Variants in SIAE observed in about 807,000 individuals in gnomAD.
The protein encoded by SIAE is sialic acid acetylesterase.
Under a neutral mutation model 52.6 loss-of-function variants are expected in SIAE, and 39 were observed. The observed-to-expected ratio is 0.74, with a 90% CI of 0.57 to 0.97. SIAE has a LOEUF of 0.97. Among genes scored for constraint, SIAE ranks in the 50% least tolerant of loss-of-function variants. The probability of loss-of-function intolerance (pLI) is 0.00; values close to 1 mark genes in which losing one functional copy is unlikely to be tolerated. For synonymous variants in SIAE, 233 were observed against 241.4 expected, an observed-to-expected ratio of 0.97 and a Z score of 0.32; for missense variants, 592 against 662.1, an observed-to-expected ratio of 0.89 and a Z score of 1.16.
chr11:124,649,852 C>G, intron 4 of SIAE, 56 bp from the exon 5 acceptor site: 1 of 1,585,822 alleles, frequency 6.3e-7, no homozygotes, highest in South Asian at 1.1e-5. Flanking sequence ...TGGATACAAA[C>G]TGCAGCTGCT....
In SIAE at chr11:124,635,831, A is replaced by T. The variant is rs190916194; in HGVS notation, c.*1120T>A. 76 of 152,332 alleles carry T rather than the reference A, an allele frequency of 5.0e-4. No individual in the cohort carries two copies. The highest frequency in any genetic ancestry group is 1.7e-3 in the Admixed American group (26 of 15,306). The allele number at this position is 152,332 out of a possible 1,614,324, so 9.4% of individuals were successfully genotyped here. The stretch of plus-strand genomic sequence containing the variant: ...TGCTTTTATTTATTTCCAACTTCTT[A>T]TAGGTAACATAATTTTCAGACAATG... On this transcript the variant is annotated 3_prime_UTR_variant, in exon 10 of 10. Coordinates refer to ENST00000263593, the MANE Select transcript of SIAE (RefSeq NM_170601.5).
intron 9 of SIAE, among the ~76,000 whole-genome samples, chr11:124,637,807 G>C (rs954887725): frequency 1.3e-5 from 2 of 152,202 alleles, no homozygotes; most frequent in African/African-American, 4.8e-5. Flanking sequence ...GGTGGATACC[G>C]TAGTTAGGAC....
intron 4 of SIAE, among the ~76,000 whole-genome samples, chr11:124,652,050 G>T (rs750177153): frequency 4.6e-5 from 7 of 152,194 alleles, no homozygotes; most frequent in Non-Finnish European, 7.4e-5. Context: ...TATTCTGAGA[G>T]TATTTGGCTG....
chr11:124,660,365 G>C (rs961709970), intron 3 of SIAE: 8 of 454,264 alleles, frequency 1.8e-5, no homozygotes, highest in African/African-American at 1.4e-4. Context: ...GAAAGTGCTA[G>C]AGAAAACAAT....
intron 9 of SIAE, among the ~76,000 whole-genome samples, 193 bp downstream of exon 9, chr11:124,638,349 G>A (rs1216101967): frequency 7.9e-5 from 12 of 152,090 alleles, no homozygotes; most frequent in Admixed American, 1.3e-4. Context: ...TCCCTTTCTC[G>A]ATTGTGCTGT....
intron 3 of SIAE, among the ~76,000 whole-genome samples, chr11:124,655,215 C>T (rs1460682281): frequency 3.4e-5 from 5 of 147,770 alleles, no homozygotes; most frequent in South Asian, 4.2e-4. Flanking sequence ...CTTGCTCTCT[C>T]GCCCAGGCTG....
rs781268648 is a variant in SIAE, at chr11:124,638,757, T to TA, written c.1125-21dup. On this transcript the variant is annotated intron_variant, in intron 8 of 9. Transcript: ENST00000263593. ...TGGATGCTACAGGATAAGGAACAAG[T>TA]AGAGAACTTTGGGTTTAAGCTCAAC... The TA allele has an allele frequency of 1.9e-6, 3 of 1,608,514 alleles. No homozygotes were observed. In the African/African-American group the frequency reaches 4.0e-5, roughly 22 times the overall value.
At chr11:124,663,504 G>T (rs997046097) in intron 2 of SIAE, among the ~76,000 whole-genome samples, 1 of 152,204 alleles carries the variant, frequency 6.6e-6, no homozygotes, top group Non-Finnish European at 1.5e-5. Context: ...AACCCGGGAG[G>T]CGGAGCTTGC....
In SIAE at chr11:124,669,350, G is replaced by T. The variant is rs929233924; in HGVS notation, c.229+10C>A. 1.9e-6 allele frequency: 3 copies of T among 1,613,948 alleles called. No individual in the cohort carries two copies. The African/African-American group carries it at 4.0e-5, about 22-fold the overall frequency. The stretch of plus-strand genomic sequence containing the variant: ...AGGGCAATAGCTGAACGGAAGATGG[G>T]CTGCCTTACCTTTCACACTGGTCAC... On this transcript the variant is annotated intron_variant, in intron 2 of 9. Transcript: ENST00000263593.
At chr11:124,643,244 G>A (rs1352385175) in intron 7 of SIAE, among the ~76,000 whole-genome samples, 2 of 152,172 alleles carry the variant, frequency 1.3e-5, no homozygotes, top group Admixed American at 1.3e-4. Context: ...AAGTAAGGCA[G>A]CCAGTGTGGC....
chr11:124,672,857 A>G (rs1426729044), intron 1 of SIAE, among the ~76,000 whole-genome samples: 1 of 152,196 alleles, frequency 6.6e-6, no homozygotes, highest in Non-Finnish European at 1.5e-5. Flanking sequence ...ATTTCTTAAC[A>G]GGGATCTCTG....
chr11:124,641,004 A>G (rs896711463), intron 7 of SIAE, among the ~76,000 whole-genome samples: 1 of 152,168 alleles, frequency 6.6e-6, no homozygotes, highest in Non-Finnish European at 1.5e-5. Context: ...AGCTACCTAT[A>G]TAAGAAAGGC....
chr11:124,649,771 C>T lies in SIAE; in HGVS notation c.570G>A (p.Lys190=), dbSNP rs1223746430. 1.9e-6 allele frequency: 3 copies of T among 1,614,052 alleles called. No homozygotes were observed. Among genetic ancestry groups the T allele is most frequent in the Admixed American group, 1.7e-5 (1 of 60,006 alleles). Residue 190 remains lysine (K), a synonymous_variant, in exon 5 of 10, where the codon AAG becomes AAA. Coordinates refer to ENST00000263593, the MANE Select transcript of SIAE (RefSeq NM_170601.5). The part of the protein sequence containing the change: ...TSENLGHGYF[K]YMSAVCWLFG... ...AGAGCCAGCACACTGCTGACATGTA[C>T]TTGAAATATCCATGGCCTAAGTTTT...
rs183067025 is a variant in SIAE, at chr11:124,658,580, C to T, written c.405+2048G>A. 4.6e-5 allele frequency among the ~76,000 whole-genome samples: 7 copies of T among 152,330 alleles called. No homozygotes were observed. In the East Asian group the frequency reaches 1.2e-3, roughly 25 times the overall value. On this transcript the variant is annotated intron_variant, in intron 3 of 9. Coordinates refer to ENST00000263593, the MANE Select transcript of SIAE (RefSeq NM_170601.5). ...AGACCTACCCTGACTTAGGAGGCGACAGATGAACATTTAGACTCTTCTCCA... is the reference window on the plus strand; with the variant it reads ...AGACCTACCCTGACTTAGGAGGCGATAGATGAACATTTAGACTCTTCTCCA...
chr11:124,645,489 CG>C lies in SIAE; in HGVS notation c.966+1875del, dbSNP rs1412125550. On this transcript the variant is annotated intron_variant, in intron 7 of 9. Transcript: ENST00000263593. The surrounding 1 kb of genome is among the most constrained non-coding windows in gnomAD (Gnocchi z 4.7). ...ACTAATTTTGTATTTTTAGTAGAGA[CG>C]GGGCTTCTCCATGTTGGTCAGGCTG... 6.6e-6 allele frequency among the ~76,000 whole-genome samples: 1 copy of C among 152,050 alleles called. No homozygotes were observed. Among genetic ancestry groups the C allele is most frequent in the African/African-American group, 2.4e-5 (1 of 41,458 alleles).
intron 1 of SIAE, among the ~76,000 whole-genome samples, chr11:124,671,091 TC>T (rs1359792859): frequency 6.6e-6 from 1 of 152,174 alleles, no homozygotes; most frequent in Non-Finnish European, 1.5e-5. Flanking sequence ...GGAAATACCT[TC>T]CCAAGTCTGT....
At position 124,647,367 on chromosome 11, in the gene SIAE, G is replaced by A; in HGVS notation, c.964C>T (p.Gln322Ter). 1.2e-6 allele frequency: 2 copies of A among 1,614,198 alleles called. No individual in the cohort carries two copies. The highest frequency in any genetic ancestry group is 1.7e-6 in the Non-Finnish European group (2 of 1,180,040). The change falls in exon 7 of 10, where the codon CAG becomes TAG. Residue 322 changes from glutamine to a stop codon, truncating the protein, a stop_gained and splice_region_variant. Coordinates refer to ENST00000263593, the MANE Select transcript of SIAE (RefSeq NM_170601.5). LOFTEE classifies it high-confidence loss of function. ...AGAAGCCTTTACCCACATCGTACCT[G>A]GACAAGTCCAAATGGGAAGAAACGC... ...TERFFPFGLV[Q>*]LSSDLSKKSS...
At chr11:124,657,681 C>A (rs1943123295) in intron 3 of SIAE, among the ~76,000 whole-genome samples, 1 of 152,228 alleles carries the variant, frequency 6.6e-6, no homozygotes, top group African/African-American at 2.4e-5. Context: ...TGTGTAATTT[C>A]AAGCCCAAAC....
intron 3 of SIAE, among the ~76,000 whole-genome samples, chr11:124,655,028 A>C (rs965049232): frequency 4.6e-5 from 7 of 152,212 alleles, no homozygotes. Context: ...CTTAAGGAGC[A>C]GGTCTATGTT....
Sources: allele counts gnomAD v4.1 joint callset (sites outside exome capture counted in the v4.1 genomes callset), GRCh38; gene constraint gnomAD v4.1.1; non-coding constraint Gnocchi (gnomAD v3.1); transcripts MANE v1.5; gene names NCBI Gene and HGNC (gene_info 2026-07-23, HGNC 2026-07-21).